Variants in ACACA observed in about 807,000 individuals in gnomAD.
The protein encoded by ACACA is acetyl-CoA carboxylase 1.
In ACACA, 103 loss-of-function variants were observed where a neutral mutation model predicts 296.1. The observed-to-expected ratio is 0.35, with a 90% CI of 0.30 to 0.41. The LOEUF (loss-of-function observed/expected upper bound fraction) is 0.41, where lower values mean the gene tolerates loss of function less well. Among genes scored for constraint, ACACA ranks in the 10% least tolerant of loss-of-function variants. The pLI, the probability that ACACA is intolerant of heterozygous loss-of-function variation, is 1.00. For synonymous variants in ACACA, 953 were observed against 1,038.6 expected (o/e 0.92, Z 1.58); for missense variants, 1,554 against 2,989.7 (o/e 0.52, Z 11.20).
chr17:37,379,810 CTT>C (rs2050165686), intron 1 of ACACA, among the ~76,000 whole-genome samples: 1 of 147,746 alleles, frequency 6.8e-6, no homozygotes, highest in Admixed American at 6.9e-5. Flanking sequence ...AATAGGAACA[CTT>C]TTACACTGTT....
rs1431977726 is a variant in ACACA, at chr17:37,241,994, G to A, written c.2991C>T (p.Val997=). Residue 997 remains valine, a synonymous_variant, in exon 23 of 56, where the codon GTC becomes GTT. Coordinates refer to ENST00000616317, the MANE Select transcript of ACACA (RefSeq NM_198834.3). ...CAATGCTCTGAGTATTCATAAAGAA[G>A]ACTTCCCGTTCAGATTTCCGGTTCA... is the stretch of plus-strand genomic sequence containing the variant. ...ATLNRKSERE[V]FFMNTQSIVQ... 6.2e-7 allele frequency: 1 copy of A among 1,613,834 alleles called. No homozygotes were observed. Among genetic ancestry groups the A allele is most frequent in the South Asian group, 1.1e-5 (1 of 91,066 alleles).
chr17:37,262,753 G>C (rs776072393), intron 11 of ACACA, among the ~76,000 whole-genome samples: 1 of 151,930 alleles, frequency 6.6e-6, no homozygotes, highest in African/African-American at 2.4e-5. Flanking sequence ...GTTTTGAGAT[G>C]GGGTCTTGCT....
chr17:37,217,748 A>ACAAAC (rs1367691194), intron 29 of ACACA, among the ~76,000 whole-genome samples: 1 of 143,030 alleles, frequency 7.0e-6, no homozygotes, highest in African/African-American at 2.7e-5. Context: ...AAAAAAAAAA[A>ACAAAC]AAAAAAAAAA....
intron 3 of ACACA, among the ~76,000 whole-genome samples, chr17:37,296,969 G>A (rs974642878): frequency 3.3e-5 from 5 of 151,148 alleles, no homozygotes; most frequent in East Asian, 2.0e-4. Context: ...TGCCCGCCTC[G>A]GCCTCCCAAA....
intron 3 of ACACA, among the ~76,000 whole-genome samples, chr17:37,323,173 T>G (rs1338714758): frequency 6.6e-6 from 1 of 152,292 alleles, no homozygotes; most frequent in African/African-American, 2.4e-5. Context: ...TTCCCATGGC[T>G]GTTGCACCTG....
intron 1 of ACACA, among the ~76,000 whole-genome samples, chr17:37,370,010 CTTTTT>C (rs374109607): frequency 7.8e-6 from 1 of 128,828 alleles, no homozygotes; most frequent in Non-Finnish European, 1.6e-5. Context: ...CTGGCCCCTC[CTTTTT>C]TTTTTTTTTT....
At chr17:37,276,149 G>C in intron 7 of ACACA, 100 bp from the exon 8 acceptor site, 1 of 864,322 alleles carries the variant, frequency 1.2e-6, no homozygotes, top group African/African-American at 1.6e-5. Context: ...TATTTGTCTT[G>C]TCCTCCCCCC....
chr17:37,164,920 G>A (rs962903511), intron 41 of ACACA, among the ~76,000 whole-genome samples: 6 of 152,108 alleles, frequency 3.9e-5, no homozygotes, highest in Non-Finnish European at 8.8e-5. Flanking sequence ...GTGGCACTGG[G>A]CAGGCAAATA....
intron 29 of ACACA, among the ~76,000 whole-genome samples, chr17:37,212,619 A>G (rs1454730350): frequency 1.3e-5 from 2 of 152,106 alleles, no homozygotes; most frequent in African/African-American, 2.4e-5. Context: ...GGTCATGTCC[A>G]TAATGATCAT....
chr17:37,269,936 GA>G (rs1463097988), intron 10 of ACACA, among the ~76,000 whole-genome samples: 2 of 152,030 alleles, frequency 1.3e-5, no homozygotes. Flanking sequence ...TTGGTAGGAG[GA>G]AAAAAAGTGA....
At chr17:37,332,645 T>C (rs1330246735) in intron 2 of ACACA, among the ~76,000 whole-genome samples, 2 of 150,356 alleles carry the variant, frequency 1.3e-5, no homozygotes, top group South Asian at 2.1e-4. Flanking sequence ...ACGCGGTGGC[T>C]CACGCCTGTA....
At position 37,087,276 on chromosome 17, in the gene ACACA, T is replaced by TG; in HGVS notation, c.*39_*40insC. On this transcript the variant is annotated 3_prime_UTR_variant, in exon 56 of 56. Coordinates refer to ENST00000616317, the MANE Select transcript of ACACA (RefSeq NM_198834.3). Reference sequence around the variant, plus strand: ...AGTTGTAAAAGGCAGCTCTAGCCCTTTTCTCCAGAGACAGGGCAGGGACAG... The same window carrying TG: ...AGTTGTAAAAGGCAGCTCTAGCCCTTGTTCTCCAGAGACAGGGCAGGGACAG... 2.5e-6 allele frequency: 4 copies of TG among 1,613,600 alleles called. No individual in the cohort carries two copies. The highest frequency in any genetic ancestry group is 3.4e-6 in the Non-Finnish European group (4 of 1,179,916).
chr17:37,259,316 C>T, intron 12 of ACACA, 44 bp downstream of exon 12: 1 of 1,612,640 alleles, frequency 6.2e-7, no homozygotes, highest in Non-Finnish European at 8.5e-7. Context: ...TTTCAGGCCT[C>T]TCTGACTTTT....
chr17:37,204,345 GC>G (rs2078404131), intron 33 of ACACA, among the ~76,000 whole-genome samples: 1 of 152,108 alleles, frequency 6.6e-6, no homozygotes, highest in African/African-American at 2.4e-5. Flanking sequence ...CTAGATCTGT[GC>G]CCCCTATACC....
At chr17:37,300,443 G>T (rs2083564781) in intron 3 of ACACA, among the ~76,000 whole-genome samples, 1 of 152,026 alleles carries the variant, frequency 6.6e-6, no homozygotes, top group Admixed American at 6.6e-5. Flanking sequence ...ACTTCCTGAG[G>T]CAAGTCCTCA....
Position 37,113,186 on chromosome 17 carries a change from G to A in ACACA, c.6354C>T (p.Tyr2118=), listed in dbSNP as rs779109355. The change falls in exon 51 of 56, where the codon TAC becomes TAT. Residue 2118 remains tyrosine, a synonymous_variant. Coordinates refer to ENST00000616317, the MANE Select transcript of ACACA (RefSeq NM_198834.3). This position sits in a 1 kb window ranked among gnomAD's most constrained non-coding sequence, Gnocchi z 4.0. The part of the protein sequence containing the change: ...LRECCQPVLV[Y]IPPQAELRGG... ...CCCGCAGCTCAGCCTGGGGAGGAAT[G>A]TAAACCAGCACAGGCTGGCAGCACT... 16 of 1,614,208 alleles carry A rather than the reference G, an allele frequency of 9.9e-6. No homozygotes were observed. The highest frequency in any genetic ancestry group is 4.4e-5 in the South Asian group (4 of 91,084).
intron 3 of ACACA, among the ~76,000 whole-genome samples, chr17:37,293,437 GA>G (rs1311075763): frequency 2.7e-5 from 4 of 150,574 alleles, no homozygotes; most frequent in African/African-American, 9.8e-5. Flanking sequence ...TTATAGATAA[GA>G]ACAATTCCAC....
chr17:37,270,820 T>G lies in ACACA; in HGVS notation c.1050A>C (p.Ser350=). 1.2e-6 allele frequency: 2 copies of G among 1,613,854 alleles called. No individual in the cohort carries two copies. Among genetic ancestry groups the G allele is most frequent in the Non-Finnish European group, 1.7e-6 (2 of 1,179,904 alleles). ...EVGYPVMIKA[S]EGGGGKGIRK... is the part of the protein sequence containing the mutation. ...TAATTCCCTTCCCTCCTCCTCCCTC[T>G]GAGGCCTTGATCATTACTGGATATC... The change falls in exon 10 of 56, where the codon TCA becomes TCC. Residue 350 remains serine, a synonymous_variant. Transcript: ENST00000616317.
intron 3 of ACACA, among the ~76,000 whole-genome samples, chr17:37,319,768 T>C (rs2047260389): frequency 6.6e-6 from 1 of 151,994 alleles, no homozygotes; most frequent in Admixed American, 6.6e-5. Flanking sequence ...CTGGCCAAGA[T>C]GGTGAAACCC....
Sources: allele counts gnomAD v4.1 joint callset (sites outside exome capture counted in the v4.1 genomes callset), GRCh38; gene constraint gnomAD v4.1.1; non-coding constraint Gnocchi (gnomAD v3.1); transcripts MANE v1.5; gene names NCBI Gene and HGNC (gene_info 2026-07-23, HGNC 2026-07-21).